ADSS2: variants seen among roughly 807,000 people sequenced by gnomAD.
ADSS2 encodes the protein adenylosuccinate synthetase isozyme 2.
In ADSS2, 30 loss-of-function variants were observed where a neutral mutation model predicts 60.0. The ratio of observed to expected loss-of-function variants is 0.50; its 90% confidence interval spans 0.37 to 0.68. ADSS2 has a LOEUF of 0.68. Ranked by LOEUF, ADSS2 falls within the 30% of genes least tolerant of loss-of-function variation. The pLI is 0.00. For missense variants in ADSS2, 373 were observed against 554.8 expected (o/e 0.67, Z 3.29); for synonymous variants, 187 against 193.1 (o/e 0.97, Z 0.26).
chr1:244,422,862 G>A lies in ADSS2; in HGVS notation c.636C>T (p.Asp212=). Residue 212 remains aspartate (D), a synonymous_variant, in exon 7 of 13, where the codon GAC becomes GAT. Transcript: ENST00000366535. ...TGAGTTTTTGTAATTCACCTTCAATGTCTATTTCCAAAGTGGGGTATATAG... is the reference window on the plus strand; with the variant it reads ...TGAGTTTTTGTAATTCACCTTCAATATCTATTTCCAAAGTGGGGTATATAG... ...YKSIYPTLEI[D]IEGELQKLKG... is the part of the protein sequence containing the mutation. The A allele has an allele frequency of 6.3e-7, 1 of 1,598,852 alleles. No homozygotes were observed. Among genetic ancestry groups the A allele is most frequent in the Non-Finnish European group, 8.6e-7 (1 of 1,166,772 alleles).
chr1:244,444,024 G>A (rs1051557132), intron 1 of ADSS2, among the ~76,000 whole-genome samples: 4 of 152,136 alleles, frequency 2.6e-5, no homozygotes, highest in Admixed American at 6.5e-5. Flanking sequence ...AAGTAGCTAC[G>A]TGGCAGGTTT....
chr1:244,427,582 T>C (rs1298081462), intron 4 of ADSS2, among the ~76,000 whole-genome samples: 2 of 152,034 alleles, frequency 1.3e-5, no homozygotes, highest in African/African-American at 4.8e-5. Context: ...AAATACATTA[T>C]AAATCTAAAG....
Position 244,423,933 on chromosome 1 carries a change from T to C in ADSS2, c.581+20A>G. ...AAAAAATGCATTCATTCCTTCCATTTTGAAACACAAGTTAGTTACCTCTCA... is the reference window on the plus strand; with the variant it reads ...AAAAAATGCATTCATTCCTTCCATTCTGAAACACAAGTTAGTTACCTCTCA... On this transcript the variant is annotated intron_variant, in intron 6 of 12. Coordinates refer to ENST00000366535, the MANE Select transcript of ADSS2 (RefSeq NM_001126.5). 1 of 1,584,620 alleles carries C rather than the reference T, an allele frequency of 6.3e-7. No individual in the cohort carries two copies. The highest frequency in any genetic ancestry group is 8.6e-7 in the Non-Finnish European group (1 of 1,163,456).
chr1:244,414,059 T>C (rs932641485), intron 11 of ADSS2, among the ~76,000 whole-genome samples: 2 of 152,044 alleles, frequency 1.3e-5, no homozygotes, highest in African/African-American at 4.8e-5. Context: ...ACACAAAGCA[T>C]AAAACCAAAC....
intron 11 of ADSS2, 50 bp from the exon 12 acceptor site, chr1:244,411,486 A>G: frequency 6.5e-7 from 1 of 1,548,206 alleles, no homozygotes; most frequent in Non-Finnish European, 8.7e-7. Flanking sequence ...TTTACTGTCA[A>G]ACAACTTTTT....
In ADSS2 at chr1:244,432,587, C is replaced by T. The variant is rs1429528744; in HGVS notation, c.364G>A (p.Gly122Ser). ...GATATAATAAGCCTTTTTTCCCAGC[C>T]TTCTAGTCCTAGAAAGGGGAAAAAG... ...KNVQKGKGLE[G>S]WEKRLIISDR... The change falls in exon 4 of 13, where the codon GGC becomes AGC. Residue 122 changes from glycine to serine, a missense_variant. By Grantham distance (56) the Gly-to-Ser change is moderately conservative. This residue lies in a region of ADSS2 where 139 missense variants were observed against 189.4 expected (regional missense o/e 0.73). Transcript: ENST00000366535. 1 of 1,573,082 alleles carries T rather than the reference C, an allele frequency of 6.4e-7. No individual in the cohort carries two copies. Among genetic ancestry groups the T allele is most frequent in the Non-Finnish European group, 8.7e-7 (1 of 1,155,704 alleles).
At chr1:244,425,369 T>C (rs1009526009) in intron 4 of ADSS2, among the ~76,000 whole-genome samples, 13 of 152,222 alleles carry the variant, frequency 8.5e-5, no homozygotes, top group Admixed American at 2.6e-4. Context: ...TATTTAACCA[T>C]AGCTTCTTTT....
intron 1 of ADSS2, among the ~76,000 whole-genome samples, chr1:244,443,238 T>C (rs1665291999): frequency 6.6e-6 from 1 of 152,188 alleles, no homozygotes. Flanking sequence ...CCAAACTTGG[T>C]AAGTTATCTC....
intron 3 of ADSS2, 65 bp from the exon 4 acceptor site, chr1:244,432,660 CTTT>C (rs532312490): frequency 0.2 from 76,878 of 378,642 alleles, 1,560 homozygotes; most frequent in Non-Finnish European, 0.23. Context: ...ATCTTAATTT[CTTT>C]TTTTTTTTTT....
chr1:244,411,653 C>A (rs1280803657), intron 11 of ADSS2, among the ~76,000 whole-genome samples: 2 of 152,206 alleles, frequency 1.3e-5, no homozygotes, highest in African/African-American at 4.8e-5. Context: ...CGCATATGAT[C>A]ATTTGCTATA....
chr1:244,420,347 C>T (rs745321037), intron 7 of ADSS2, 51 bp from the exon 8 acceptor site: 3 of 1,481,412 alleles, frequency 2.0e-6, no homozygotes, highest in Non-Finnish European at 1.8e-6. Flanking sequence ...AAACGTTTAA[C>T]ATAACCAGAA....
intron 1 of ADSS2, among the ~76,000 whole-genome samples, chr1:244,443,336 C>A (rs1321654495): frequency 6.6e-6 from 1 of 152,146 alleles, no homozygotes; most frequent in Non-Finnish European, 1.5e-5. Context: ...ACTTATGATC[C>A]CAGTCACTCT....
intron 11 of ADSS2, among the ~76,000 whole-genome samples, chr1:244,415,502 C>T (rs1664508230): frequency 6.6e-6 from 1 of 152,192 alleles, no homozygotes; most frequent in Non-Finnish European, 1.5e-5. Flanking sequence ...AATATTCCTT[C>T]ATTTGGCATA....
In ADSS2 at chr1:244,416,083, T is replaced by C. The variant is rs760664748; in HGVS notation, c.1071-5A>G. On this transcript the variant is annotated splice_polypyrimidine_tract_variant and splice_region_variant and intron_variant, in intron 10 of 12. Transcript: ENST00000366535. ...TCCAACTTGGTAAGTGCCAACCTAA[T>C]TTTGGAAGAAAAGGCAATGTTAAAA... The C allele has an allele frequency of 1.2e-6, 2 of 1,606,730 alleles. No homozygotes were observed. The highest frequency in any genetic ancestry group is 1.1e-5 in the South Asian group (1 of 90,524).
Position 244,451,528 on chromosome 1 carries a change from C to T in ADSS2, c.183+107G>A. 1 of 1,243,996 alleles carries T rather than the reference C, an allele frequency of 8.0e-7. No individual in the cohort carries two copies. Among genetic ancestry groups the T allele is most frequent in the Non-Finnish European group, 1.1e-6 (1 of 912,812 alleles). 77.1% of individuals were successfully genotyped at this position (1,243,996 alleles called of 1,614,324 possible). A position where few individuals can be genotyped will look rare whatever the true frequency, so the allele number is the denominator to read the frequency against. On this transcript the variant is annotated intron_variant, in intron 1 of 12. Coordinates refer to ENST00000366535, the MANE Select transcript of ADSS2 (RefSeq NM_001126.5). The surrounding 1 kb of genome is among the most constrained non-coding windows in gnomAD (Gnocchi z 6.6). Reference sequence around the variant, plus strand: ...AGGAGAGAGCCTCAAGGTGACACCTCATTTTGGCCAGTGGATCCGGGTTCT... The same window carrying T: ...AGGAGAGAGCCTCAAGGTGACACCTTATTTTGGCCAGTGGATCCGGGTTCT...
intron 1 of ADSS2, among the ~76,000 whole-genome samples, chr1:244,441,682 C>G (rs1198254059): frequency 6.6e-6 from 1 of 152,054 alleles, no homozygotes; most frequent in Admixed American, 6.5e-5. Context: ...TTAGGCTGGG[C>G]ACGGTGGCTC....
At chr1:244,422,653 C>T (rs181423106) in intron 7 of ADSS2, among the ~76,000 whole-genome samples, 182 bp downstream of exon 7, 14 of 152,326 alleles carry the variant, frequency 9.2e-5, no homozygotes, top group Admixed American at 8.5e-4. Flanking sequence ...AGGTACTCCT[C>T]CTGCTCCCTA....
chr1:244,416,170 T>C (rs1339449052), intron 10 of ADSS2, 92 bp from the exon 11 acceptor site: 1 of 841,672 alleles, frequency 1.2e-6, no homozygotes, highest in East Asian at 2.6e-5. Context: ...GAAAAATTCA[T>C]GCAAAGCTTA....
chr1:244,442,544 G>A (rs939126540), intron 1 of ADSS2, among the ~76,000 whole-genome samples: 9 of 152,092 alleles, frequency 5.9e-5, no homozygotes, highest in South Asian at 2.1e-4. Context: ...AGAAACACCC[G>A]AGATTATCCT....
Sources: gnomAD v4.1 joint callset for allele counts (sites outside exome capture counted in the v4.1 genomes callset) on GRCh38, gnomAD v4.1.1 for gene constraint, gnomAD v4.1.1 regional missense constraint, Gnocchi (gnomAD v3.1) non-coding constraint, MANE v1.5 for transcripts, NCBI Gene and HGNC (gene_info 2026-07-23, HGNC 2026-07-21) for gene names.